The following NMT1 variants were observed in gnomAD, a reference collection of about 807,000 sequenced individuals.
The protein encoded by NMT1 is glycylpeptide N-tetradecanoyltransferase 1.
Under a neutral mutation model 63.4 loss-of-function variants are expected in NMT1, and 12 were observed. That is an observed-to-expected ratio of 0.19 (90% CI 0.12 to 0.31). The LOEUF is 0.31. Among genes scored for constraint, NMT1 ranks in the 10% least tolerant of loss-of-function variants. The probability of loss-of-function intolerance (pLI) is 1.00; values close to 1 mark genes in which losing one functional copy is unlikely to be tolerated. For synonymous variants in NMT1, 228 were observed against 234.3 expected, an observed-to-expected ratio of 0.97 and a Z score of 0.25; for missense variants, 432 against 634.6, an observed-to-expected ratio of 0.68 and a Z score of 3.43.
At chr17:45,061,757 T>G (rs2053862753) in intron 1 of NMT1, 1 of 323,688 alleles carries the variant, frequency 3.1e-6, no homozygotes, top group Non-Finnish European at 5.8e-6. Flanking sequence ...TGGTTTTCGA[T>G]GGTACAACAC....
chr17:45,105,643 G>A lies in NMT1; in HGVS notation c.*4G>A. On this transcript the variant is annotated 3_prime_UTR_variant, in exon 12 of 12. Coordinates refer to ENST00000258960, the MANE Select transcript of NMT1 (RefSeq NM_021079.5). This position sits in a 1 kb window ranked among gnomAD's most constrained non-coding sequence, Gnocchi z 4.2. ...GGTTGGACTGGTGCTACAATAACCA[G>A]TCACCAGTGCGATTCTGGATAAAGC... 6.2e-7 allele frequency: 1 copy of A among 1,612,878 alleles called. No individual in the cohort carries two copies. Among genetic ancestry groups the A allele is most frequent in the Non-Finnish European group, 8.5e-7 (1 of 1,179,730 alleles).
intron 3 of NMT1, among the ~76,000 whole-genome samples, chr17:45,090,741 A>C (rs1196342700): frequency 2.0e-5 from 3 of 152,106 alleles, no homozygotes; most frequent in African/African-American, 7.2e-5. Flanking sequence ...AACCCATTGA[A>C]AGCTCAGGGT....
chr17:45,074,685 C>T (rs1487310841), intron 1 of NMT1, among the ~76,000 whole-genome samples: 1 of 152,170 alleles, frequency 6.6e-6, no homozygotes, highest in African/African-American at 2.4e-5. Flanking sequence ...GGGGAGGAGG[C>T]ACTTCTGTTG....
intron 2 of NMT1, among the ~76,000 whole-genome samples, chr17:45,084,693 C>G (rs1301548207): frequency 1.3e-5 from 2 of 151,300 alleles, no homozygotes; most frequent in Non-Finnish European, 2.9e-5. Context: ...GCCTTGAACT[C>G]CTGGGCTTAA....
At chr17:45,072,441 T>C (rs1421396442) in intron 1 of NMT1, among the ~76,000 whole-genome samples, 2 of 149,836 alleles carry the variant, frequency 1.3e-5, no homozygotes, top group Non-Finnish European at 3.0e-5. Context: ...TTTTCTATTT[T>C]TTTAGTAGAG....
intron 2 of NMT1, among the ~76,000 whole-genome samples, chr17:45,085,348 T>C (rs2054045197): frequency 6.6e-6 from 1 of 152,162 alleles, no homozygotes; most frequent in African/African-American, 2.4e-5. Context: ...TATACTGTGG[T>C]CCATACATAC....
In NMT1 at chr17:45,105,503, C is replaced by T; in HGVS notation, c.1471-116C>T. On this transcript the variant is annotated intron_variant, in intron 11 of 11. Transcript: ENST00000258960. The surrounding 1 kb of genome is among the most constrained non-coding windows in gnomAD (Gnocchi z 4.2). Reference sequence around the variant, plus strand: ...GGCCGGCTGGGTGTGAGTCTGCTCCCACAGCACAGGCGGTGGACCCGGGCC... The same window carrying T: ...GGCCGGCTGGGTGTGAGTCTGCTCCTACAGCACAGGCGGTGGACCCGGGCC... The T allele has an allele frequency of 8.7e-7, 1 of 1,150,238 alleles. No homozygotes were observed. Among genetic ancestry groups the T allele is most frequent in the Non-Finnish European group, 1.3e-6 (1 of 769,602 alleles). 71.3% of individuals were successfully genotyped at this position (1,150,238 alleles called of 1,614,324 possible).
chr17:45,092,283 C>T (rs953655994), intron 3 of NMT1, among the ~76,000 whole-genome samples: 36 of 152,216 alleles, frequency 2.4e-4, no homozygotes, highest in African/African-American at 7.2e-4. Context: ...CACTGGTGCA[C>T]GGTTGGTGCT....
intron 1 of NMT1, among the ~76,000 whole-genome samples, chr17:45,078,420 T>C (rs2053991027): frequency 6.6e-6 from 1 of 152,062 alleles, no homozygotes; most frequent in African/African-American, 2.4e-5. Flanking sequence ...CAGGAAGAGA[T>C]AGGAGAATCT....
Position 45,103,229 on chromosome 17 carries a change from C to T in NMT1, c.1164+108C>T. 1.8e-6 allele frequency: 2 copies of T among 1,082,512 alleles called. No individual in the cohort carries two copies. The highest frequency in any genetic ancestry group is 1.5e-5 in the South Asian group (1 of 65,426). 67.1% of individuals were successfully genotyped at this position (1,082,512 alleles called of 1,614,324 possible). A position where few individuals can be genotyped will look rare whatever the true frequency, so the allele number is the denominator to read the frequency against. On this transcript the variant is annotated intron_variant, in intron 9 of 11. Coordinates refer to ENST00000258960, the MANE Select transcript of NMT1 (RefSeq NM_021079.5). The surrounding 1 kb of genome is among the most constrained non-coding windows in gnomAD (Gnocchi z 4.8). ...GTGTTGGCACCTTAGACTTCCTTGA[C>T]CATCCGTGTTTGGTCCTCCCTAAAA...
chr17:45,101,707 G>C (rs1377073219), intron 8 of NMT1, among the ~76,000 whole-genome samples: 2 of 151,184 alleles, frequency 1.3e-5, no homozygotes, highest in African/African-American at 4.9e-5. Flanking sequence ...AGTGCACACA[G>C]TCACTGCGTT....
intron 1 of NMT1, among the ~76,000 whole-genome samples, chr17:45,078,486 G>GTATA (rs749401072): frequency 6.6e-6 from 1 of 150,470 alleles, no homozygotes; most frequent in Admixed American, 6.6e-5. Flanking sequence ...CTTTCTCCCT[G>GTATA]TATATATATA....
In NMT1 at chr17:45,103,112, C is replaced by G; in HGVS notation, c.1155C>G (p.Phe385Leu). 1 of 1,608,144 alleles carries G rather than the reference C, an allele frequency of 6.2e-7. No homozygotes were observed. Among genetic ancestry groups the G allele is most frequent in the Non-Finnish European group, 8.5e-7 (1 of 1,175,034 alleles). ...CCCAGGAGAATATCATCGACACTTT[C>G]GTGGTGGAGGTGAGTCAGGGAGTGG... Reference protein sequence around the residue: ...FYPQENIIDTFVVENANGEVT... With the variant: ...FYPQENIIDTLVVENANGEVT... Residue 385 changes from phenylalanine to leucine, a missense_variant, in exon 9 of 12, where the codon TTC becomes TTG. Phe to Leu is a conservative substitution (Grantham distance 22). Around this residue, in one of 4 missense-constraint regions of NMT1, gnomAD observed 295 missense variants for 489.7 expected, o/e 0.60. Coordinates refer to ENST00000258960, the MANE Select transcript of NMT1 (RefSeq NM_021079.5). This position sits in a 1 kb window ranked among gnomAD's most constrained non-coding sequence, Gnocchi z 4.8.
At chr17:45,087,717 G>A (rs1001126661) in intron 3 of NMT1, among the ~76,000 whole-genome samples, 12 of 152,166 alleles carry the variant, frequency 7.9e-5, no homozygotes, top group African/African-American at 2.9e-4. Context: ...ATGACTTTCA[G>A]CTTGTCCACA....
intron 1 of NMT1, 186 bp downstream of exon 1, chr17:45,061,646 T>G: frequency 1.7e-6 from 1 of 572,878 alleles, no homozygotes; most frequent in East Asian, 3.0e-5. Context: ...CTCTGGATAT[T>G]AAGGGCCGGA....
intron 2 of NMT1, among the ~76,000 whole-genome samples, chr17:45,083,418 A>G (rs2054029998): frequency 6.6e-6 from 1 of 152,054 alleles, no homozygotes; most frequent in Admixed American, 6.6e-5. Context: ...ATATACCCAC[A>G]CTTTGCTGTA....
intron 2 of NMT1, among the ~76,000 whole-genome samples, chr17:45,086,212 C>T (rs1324036524): frequency 6.6e-6 from 1 of 151,078 alleles, no homozygotes; most frequent in East Asian, 1.9e-4. Flanking sequence ...CATCCTCTGC[C>T]TCCCAGGTTC....
intron 1 of NMT1, among the ~76,000 whole-genome samples, chr17:45,076,759 AAAAAG>A (rs1295083487): frequency 1.3e-4 from 20 of 152,092 alleles, no homozygotes; most frequent in African/African-American, 4.3e-4. Context: ...TCAAAAAAAA[AAAAAG>A]AAAAGAAAAA....
intron 2 of NMT1, among the ~76,000 whole-genome samples, chr17:45,083,160 CA>C (rs1045928365): frequency 6.7e-6 from 1 of 148,188 alleles, no homozygotes; most frequent in African/African-American, 2.5e-5. Context: ...ACTGAAGATA[CA>C]AAAAAAAATT....
Sources: allele counts gnomAD v4.1 joint callset (sites outside exome capture counted in the v4.1 genomes callset), GRCh38; gene constraint gnomAD v4.1.1; regional missense constraint gnomAD v4.1.1; non-coding constraint Gnocchi (gnomAD v3.1); transcripts MANE v1.5; gene names NCBI Gene and HGNC (gene_info 2026-07-23, HGNC 2026-07-21).